The following RFC1 variants were observed in gnomAD, a reference collection of about 807,000 sequenced individuals.
The protein encoded by RFC1 is replication factor C subunit 1, also known as A1 140 kDa subunit.
Under a neutral mutation model 137.4 loss-of-function variants are expected in RFC1, and 37 were observed. The observed-to-expected ratio is 0.27, with a 90% CI of 0.21 to 0.35. RFC1 has a LOEUF of 0.35. RFC1 is among the 10% of genes least tolerant of loss of function. The pLI is 1.00. For missense variants in RFC1, 1,205 were observed against 1,358.5 expected, an observed-to-expected ratio of 0.89 and a Z score of 1.78; for synonymous variants, 429 against 455.7, an observed-to-expected ratio of 0.94 and a Z score of 0.75.
Position 39,302,556 on chromosome 4 carries a change from T to A in RFC1, c.2380A>T (p.Ile794Phe), listed in dbSNP as rs762605626. 3.7e-5 allele frequency: 59 copies of A among 1,611,602 alleles called. No homozygotes were observed. The highest frequency in any genetic ancestry group is 4.2e-5 in the Non-Finnish European group (50 of 1,178,374). Residue 794 changes from isoleucine (I) to phenylalanine (F), a missense_variant, in exon 18 of 25, where the codon ATT (isoleucine) becomes TTT (phenylalanine). Physicochemically the swap from Ile to Phe is conservative, Grantham distance 21. This residue lies in a region of RFC1 where 962 missense variants were observed against 1,035.3 expected (regional missense o/e 0.93). Coordinates refer to ENST00000349703, the MANE Select transcript of RFC1 (RefSeq NM_002913.5). ...ATTTCATTCATAGCTGGAGGGGGAA[T>A]CTTTAAACCTTCTTTAAATGCAATA... ...MSIAFKEGLKIPPPAMNEIIL... is the reference protein window; with the variant it reads ...MSIAFKEGLKFPPPAMNEIIL...
At chr4:39,327,155 G>A (rs1387145986) in intron 5 of RFC1, among the ~76,000 whole-genome samples, 1 of 152,106 alleles carries the variant, frequency 6.6e-6, no homozygotes, top group East Asian at 1.9e-4. Context: ...TGTAGCATAG[G>A]TATGCTCTAT....
intron 12 of RFC1, 35 bp downstream of exon 12, chr4:39,311,410 T>C (rs565260179): frequency 3.2e-6 from 5 of 1,555,406 alleles, no homozygotes; most frequent in East Asian, 2.2e-5. Context: ...AAAGTTAATA[T>C]ACACCAACTT....
chr4:39,310,426 C>A (rs992107267), intron 12 of RFC1, among the ~76,000 whole-genome samples: 2 of 152,156 alleles, frequency 1.3e-5, no homozygotes, highest in Non-Finnish European at 2.9e-5. Context: ...GTTATGTAAT[C>A]GAAATCATTC....
At chr4:39,292,654 A>ATTTATTTC (rs1182358969) in intron 22 of RFC1, among the ~76,000 whole-genome samples, 1 of 151,146 alleles carries the variant, frequency 6.6e-6, no homozygotes, top group African/African-American at 2.4e-5. Context: ...TTATTTATTT[A>ATTTATTTC]TTTAAAGACG....
chr4:39,331,336 C>T (rs186717592), intron 4 of RFC1, among the ~76,000 whole-genome samples: 2 of 152,172 alleles, frequency 1.3e-5, no homozygotes. Context: ...TTTCCTACCA[C>T]CTTAAAAATG....
rs1284575000 is a variant in RFC1, at chr4:39,323,312, G to A, written c.720+28C>T. ...AACACTGATCTGTACTGTATATTCA[G>A]AACGCAAATAGCCCAACATTATGCC... is the stretch of plus-strand genomic sequence containing the variant. On this transcript the variant is annotated intron_variant, in intron 7 of 24. Transcript: ENST00000349703. The A allele has an allele frequency of 2.5e-6, 4 of 1,600,502 alleles. No individual in the cohort carries two copies. In the Admixed American group the frequency reaches 5.0e-5, roughly 20 times the overall value.
Position 39,312,830 on chromosome 4 carries a change from T to A in RFC1, c.1305A>T (p.Gly435=), listed in dbSNP as rs1003046204. ...EAKSLIERYG[G]KVTGNVSKKT... ...TCTTGCTGACATTTCCTGTTACTTT[T>A]CCCCCATAACGTTCAATTAGAGACT... The change falls in exon 11 of 25, where the codon GGA becomes GGT. Residue 435 remains glycine, a synonymous_variant. Transcript: ENST00000349703. The A allele has an allele frequency of 4.3e-6, 7 of 1,614,080 alleles. No homozygotes were observed. The highest frequency in any genetic ancestry group is 5.9e-6 in the Non-Finnish European group (7 of 1,180,006).
At position 39,295,776 on chromosome 4, in the gene RFC1, T is replaced by C; in HGVS notation, c.2809-17A>G. On this transcript the variant is annotated splice_polypyrimidine_tract_variant and intron_variant, in intron 21 of 24. Coordinates refer to ENST00000349703, the MANE Select transcript of RFC1 (RefSeq NM_002913.5). ...ATAAATGGCCTGAAAAAAAATCAAT[T>C]GCAGTCCAGAATTTATGTTCCGTAC... 5.0e-6 allele frequency: 8 copies of C among 1,606,218 alleles called. No individual in the cohort carries two copies. Among genetic ancestry groups the C allele is most frequent in the Non-Finnish European group, 6.8e-6 (8 of 1,176,286 alleles).
At chr4:39,316,844 A>ATCGTGAG (rs1298510095) in intron 10 of RFC1, 71 bp downstream of exon 10, 3 of 864,402 alleles carry the variant, frequency 3.5e-6, no homozygotes, top group Non-Finnish European at 5.7e-6. Flanking sequence ...TGCTATAATC[A>ATCGTGAG]TCGTGAATAC....
chr4:39,311,624 T>A, intron 11 of RFC1, 75 bp from the exon 12 acceptor site: 3 of 1,046,370 alleles, frequency 2.9e-6, no homozygotes, highest in Non-Finnish European at 2.8e-6. Context: ...AAAAAAAAAA[T>A]TCTAGGGCCT....
intron 12 of RFC1, among the ~76,000 whole-genome samples, chr4:39,309,483 A>G (rs1738858550): frequency 6.6e-6 from 1 of 152,234 alleles, no homozygotes; most frequent in Admixed American, 6.5e-5. Flanking sequence ...ATGAAATATT[A>G]TTTACCCCTA....
At chr4:39,347,457 T>C (rs773851415) in intron 2 of RFC1, among the ~76,000 whole-genome samples, 1 of 152,218 alleles carries the variant, frequency 6.6e-6, no homozygotes, top group Non-Finnish European at 1.5e-5. Context: ...TCTCTATGTA[T>C]ACACACATAC....
chr4:39,327,380 G>A (rs987063000), intron 5 of RFC1, 144 bp downstream of exon 5: 15 of 458,382 alleles, frequency 3.3e-5, no homozygotes, highest in Admixed American at 1.6e-4. Flanking sequence ...TTAAAATGAG[G>A]GCAATACATT....
In RFC1 at chr4:39,345,375, T is replaced by C. The variant is rs756534924; in HGVS notation, c.208+26A>G. On this transcript the variant is annotated intron_variant, in intron 3 of 24. Transcript: ENST00000349703. Reference sequence around the variant, plus strand: ...GGGATATACAATAACTTTAAAATTTTAAAGCTCCTCAGAAGAAATTATTAC... The same window carrying C: ...GGGATATACAATAACTTTAAAATTTCAAAGCTCCTCAGAAGAAATTATTAC... 2.5e-6 allele frequency: 4 copies of C among 1,598,166 alleles called. No individual in the cohort carries two copies. In the East Asian group the frequency reaches 8.9e-5, roughly 36 times the overall value.
chr4:39,350,721 C>G (rs1461430466), intron 2 of RFC1, among the ~76,000 whole-genome samples: 2 of 152,128 alleles, frequency 1.3e-5, no homozygotes, highest in East Asian at 3.8e-4. Flanking sequence ...CAGACCTACA[C>G]TACAAAAAAT....
intron 21 of RFC1, among the ~76,000 whole-genome samples, chr4:39,296,250 CTT>C (rs10717106): frequency 3.9e-4 from 52 of 132,758 alleles, no homozygotes; most frequent in East Asian, 9.0e-4. Flanking sequence ...TTTTTTTTTT[CTT>C]TTTTTTTTTT....
intron 5 of RFC1, among the ~76,000 whole-genome samples, chr4:39,327,026 G>A (rs1739807344): frequency 6.6e-6 from 1 of 152,140 alleles, no homozygotes; most frequent in African/African-American, 2.4e-5. Flanking sequence ...CACACACTAT[G>A]GGGCAGGCTT....
Position 39,288,667 on chromosome 4 carries a change from A to G in RFC1, c.*94T>C, listed in dbSNP as rs986935994. On this transcript the variant is annotated 3_prime_UTR_variant, in exon 25 of 25. Coordinates refer to ENST00000349703, the MANE Select transcript of RFC1 (RefSeq NM_002913.5). ...CCAGGTCATCCCATTATGCTAAAAC[A>G]TGGTTGCTCTGGGAAAAAACAAGGC... 1.3e-6 allele frequency: 1 copy of G among 787,080 alleles called. No homozygotes were observed. 48.8% of individuals were successfully genotyped at this position (787,080 alleles called of 1,614,324 possible).
chr4:39,342,587 T>TGA, intron 3 of RFC1, 120 bp from the exon 4 acceptor site: 2 of 940,626 alleles, frequency 2.1e-6, no homozygotes, highest in Non-Finnish European at 3.1e-6. Context: ...ATGTCTTCTG[T>TGA]GAATTCTCAC....
Sources: allele counts gnomAD v4.1 joint callset (sites outside exome capture counted in the v4.1 genomes callset), GRCh38; gene constraint gnomAD v4.1.1; regional missense constraint gnomAD v4.1.1; transcripts MANE v1.5; gene names NCBI Gene and HGNC (gene_info 2026-07-23, HGNC 2026-07-21).